WWOX: variants seen among roughly 807,000 people sequenced by gnomAD.
WWOX encodes WW domain-containing oxidoreductase.
In WWOX, 69 loss-of-function variants were observed where a neutral mutation model predicts 46.2. That is an observed-to-expected ratio of 1.49 (90% CI 1.23 to 1.82). WWOX has a LOEUF of 1.82. Ranked by LOEUF, WWOX falls within the 40% of genes most tolerant of loss-of-function variation. WWOX has a pLI of 0.00. For missense variants in WWOX, 919 were observed against 542.6 expected (o/e 1.69, Z -6.89); for synonymous variants, 359 against 202.6 (o/e 1.77, Z -6.56).
chr16:78,144,482 TATATACACAC>T (rs1567596445), intron 4 of WWOX, among the ~76,000 whole-genome samples: 1 of 28,502 alleles, frequency 3.5e-5, no homozygotes, highest in Non-Finnish European at 6.4e-5. Flanking sequence ...TATATATATA[TATATACACAC>T]ACACACACAT....
intron 8 of WWOX, among the ~76,000 whole-genome samples, chr16:78,957,107 C>T (rs557654776): frequency 7.2e-5 from 11 of 152,182 alleles, no homozygotes; most frequent in Non-Finnish European, 1.2e-4. Flanking sequence ...AGATAGTAAA[C>T]GCTCCCACTT....
At chr16:79,170,564 C>G (rs16949755) in intron 8 of WWOX, among the ~76,000 whole-genome samples, 4,355 of 152,096 alleles carry the variant, frequency 0.029, 218 homozygotes, top group African/African-American at 0.098. Context: ...AATTACTTCT[C>G]TAGGAGCAAA....
intron 8 of WWOX, among the ~76,000 whole-genome samples, chr16:79,078,480 C>T (rs970214519): frequency 5.9e-5 from 9 of 152,126 alleles, no homozygotes; most frequent in South Asian, 2.1e-4. Context: ...TTGAATGCCA[C>T]GCAACATTTC....
intron 8 of WWOX, among the ~76,000 whole-genome samples, chr16:79,159,128 A>G (rs2050436896): frequency 6.6e-6 from 1 of 152,176 alleles, no homozygotes; most frequent in African/African-American, 2.4e-5. Context: ...CTCTAAGTAA[A>G]TATGCCTTAA....
intron 8 of WWOX, among the ~76,000 whole-genome samples, chr16:78,444,725 T>G (rs1318215612): frequency 1.3e-5 from 2 of 151,652 alleles, no homozygotes; most frequent in African/African-American, 4.8e-5. Flanking sequence ...AGAGACGAGG[T>G]TTCACGGTGT....
chr16:78,492,091 C>G (rs1326328833), intron 8 of WWOX, among the ~76,000 whole-genome samples: 1 of 152,080 alleles, frequency 6.6e-6, no homozygotes, highest in East Asian at 1.9e-4. Context: ...TTAGCATTCT[C>G]AGATTCCCAG....
chr16:78,398,524 C>G (rs965381000), intron 6 of WWOX, among the ~76,000 whole-genome samples: 1 of 152,172 alleles, frequency 6.6e-6, no homozygotes, highest in Non-Finnish European at 1.5e-5. Context: ...TGCTCTTACC[C>G]GGGCACCACA....
At chr16:79,187,357 C>G (rs1351967008) in intron 8 of WWOX, among the ~76,000 whole-genome samples, 1 of 152,166 alleles carries the variant, frequency 6.6e-6, no homozygotes, top group Non-Finnish European at 1.5e-5. Flanking sequence ...ACCTCCTATG[C>G]CCCTACGAAC....
chr16:78,673,575 A>G (rs1479563871), intron 8 of WWOX, among the ~76,000 whole-genome samples: 1 of 152,218 alleles, frequency 6.6e-6, no homozygotes, highest in African/African-American at 2.4e-5. Context: ...GAAAGGAGTT[A>G]GACGTTGGCA....
At chr16:78,371,801 A>G (rs538030088) in intron 5 of WWOX, among the ~76,000 whole-genome samples, 1 of 151,596 alleles carries the variant, frequency 6.6e-6, no homozygotes, top group Non-Finnish European at 1.5e-5. Flanking sequence ...TATCTTTATC[A>G]TTTATCTTTT....
chr16:78,317,722 C>T (rs528814939), intron 5 of WWOX, among the ~76,000 whole-genome samples: 19 of 152,004 alleles, frequency 1.2e-4, no homozygotes, highest in Non-Finnish European at 2.8e-4. Flanking sequence ...GCAGGTGTGC[C>T]TCCCCATGGG....
intron 8 of WWOX, among the ~76,000 whole-genome samples, chr16:78,919,224 C>T (rs866639325): frequency 7.2e-5 from 11 of 151,906 alleles, no homozygotes; most frequent in Non-Finnish European, 1.6e-4. Flanking sequence ...TATTTAATTC[C>T]CTTAACAGTT....
At chr16:78,599,637 C>T (rs2045574296) in intron 8 of WWOX, among the ~76,000 whole-genome samples, 1 of 152,214 alleles carries the variant, frequency 6.6e-6, no homozygotes, top group African/African-American at 2.4e-5. Context: ...TGCCAATCAA[C>T]ATTTGCTCCC....
chr16:78,114,382 G>C (rs746923440), intron 3 of WWOX, among the ~76,000 whole-genome samples: 2 of 152,192 alleles, frequency 1.3e-5, no homozygotes, highest in Non-Finnish European at 2.9e-5. Context: ...TTACAGGCGT[G>C]AGCCACTGTG....
At chr16:79,117,570 G>T (rs1242117702) in intron 8 of WWOX, among the ~76,000 whole-genome samples, 2 of 152,212 alleles carry the variant, frequency 1.3e-5, no homozygotes, top group African/African-American at 4.8e-5. Flanking sequence ...TTGAAGCCAG[G>T]CATTGCCTTC....
intron 5 of WWOX, among the ~76,000 whole-genome samples, chr16:78,282,350 T>G (rs576624133): frequency 3.3e-5 from 5 of 152,196 alleles, no homozygotes; most frequent in Non-Finnish European, 7.3e-5. Flanking sequence ...GGAGGGGATC[T>G]TTTCGGGATG....
chr16:78,578,110 C>T (rs2151583818), intron 8 of WWOX, among the ~76,000 whole-genome samples: 1 of 151,560 alleles, frequency 6.6e-6, no homozygotes, highest in South Asian at 2.1e-4. Flanking sequence ...ACTGTGTCAT[C>T]TTAATACAAG....
intron 8 of WWOX, among the ~76,000 whole-genome samples, chr16:78,932,764 T>C (rs1366004412): frequency 2.0e-5 from 3 of 152,050 alleles, no homozygotes; most frequent in African/African-American, 4.8e-5. Context: ...GGAGGGACCT[T>C]CCCAGAAGAG....
intron 8 of WWOX, among the ~76,000 whole-genome samples, chr16:78,493,233 C>G (rs1445560258): frequency 6.6e-6 from 1 of 152,158 alleles, no homozygotes; most frequent in African/African-American, 2.4e-5. Context: ...CTGACACTCA[C>G]TCTTTAACCA....
Sources: allele counts gnomAD v4.1 joint callset (sites outside exome capture counted in the v4.1 genomes callset), GRCh38; gene constraint gnomAD v4.1.1; transcripts MANE v1.5; gene names NCBI Gene and HGNC (gene_info 2026-07-23, HGNC 2026-07-21).